The following CSNK1E variants were observed in gnomAD, a reference collection of about 807,000 sequenced individuals.
The protein encoded by CSNK1E is casein kinase 1 epsilon, also known as casein kinase I isoform epsilon.
In CSNK1E, 17 loss-of-function variants were observed where a neutral mutation model predicts 46.1. The ratio of observed to expected loss-of-function variants is 0.37; its 90% CI spans 0.25 to 0.55. The LOEUF is 0.55. CSNK1E is among the 20% of genes least tolerant of loss of function. CSNK1E has a pLI of 0.82. For synonymous variants in CSNK1E, 241 were observed against 242.6 expected (o/e 0.99, Z 0.06); for missense variants, 386 against 595.4 (o/e 0.65, Z 3.66).
chr22:38,295,962 C>A (rs1325706548), intron 7 of CSNK1E, among the ~76,000 whole-genome samples: 1 of 152,254 alleles, frequency 6.6e-6, no homozygotes, highest in Non-Finnish European at 1.5e-5. Context: ...CCGTGCCGAA[C>A]CTTCTGCGGG....
At chr22:38,308,418 G>A (rs997964365) in intron 2 of CSNK1E, among the ~76,000 whole-genome samples, 5 of 152,058 alleles carry the variant, frequency 3.3e-5, no homozygotes, top group African/African-American at 9.7e-5. Flanking sequence ...GAGCAGAGAG[G>A]CAGGAGAGTG....
chr22:38,307,554 CAAAAA>C (rs201638468), intron 2 of CSNK1E, among the ~76,000 whole-genome samples: 1 of 151,662 alleles, frequency 6.6e-6, no homozygotes. Flanking sequence ...CGTCTCAAAA[CAAAAA>C]AAAGTATACA....
chr22:38,311,509 G>C (rs542321360), intron 2 of CSNK1E, among the ~76,000 whole-genome samples: 1 of 152,054 alleles, frequency 6.6e-6, no homozygotes, highest in East Asian at 1.9e-4. Flanking sequence ...AAAGAGCGAC[G>C]GGACCTGGGA....
chr22:38,312,652 C>T (rs2092726184), intron 2 of CSNK1E, among the ~76,000 whole-genome samples: 1 of 152,198 alleles, frequency 6.6e-6, no homozygotes, highest in Non-Finnish European at 1.5e-5. Context: ...AAGCACTCAG[C>T]AATGAACTGC....
At chr22:38,297,118 G>C (rs117613622) in intron 7 of CSNK1E, 1 of 778,556 alleles carries the variant, frequency 1.3e-6, no homozygotes, top group East Asian at 2.4e-5. Flanking sequence ...AAAATGTGTC[G>C]CATGTGGCCA....
chr22:38,297,846 AGG>A (rs2145831894), intron 7 of CSNK1E: 1 of 1,008,536 alleles, frequency 9.9e-7, no homozygotes, highest in Non-Finnish European at 1.2e-6. Flanking sequence ...ACACTTCCTC[AGG>A]CCTGGCCCCG....
intron 2 of CSNK1E, among the ~76,000 whole-genome samples, chr22:38,313,070 C>T (rs1026084325): frequency 6.6e-6 from 1 of 152,182 alleles, no homozygotes; most frequent in Non-Finnish European, 1.5e-5. Flanking sequence ...TCCCAGTCTC[C>T]GTCCCCGTCT....
At position 38,303,349 on chromosome 22, in the gene CSNK1E, C is replaced by T. The variant is rs532788732; in HGVS notation, c.77-101G>A. 1.4e-4 allele frequency: 146 copies of T among 1,012,912 alleles called. No homozygotes were observed. Among genetic ancestry groups the T allele is most frequent in the Admixed American group, 9.6e-4 (39 of 40,658 alleles). The allele number at this position is 1,012,912 out of a possible 1,614,324, so 62.7% of individuals were successfully genotyped here. ...TCTGAGATCTGGCGTGTGCCGGGCC[C>T]GGGGCCATCTGCCCTTGAGGAGCTC... is the stretch of plus-strand genomic sequence containing the variant. On this transcript the variant is annotated intron_variant, in intron 2 of 10. Transcript: ENST00000396832. The surrounding 1 kb of genome is among the most constrained non-coding windows in gnomAD (Gnocchi z 4.7).
chr22:38,308,538 A>G (rs1321991899), intron 2 of CSNK1E, among the ~76,000 whole-genome samples: 2 of 152,086 alleles, frequency 1.3e-5, no homozygotes, highest in African/African-American at 4.8e-5. Context: ...TCTGAGCCCC[A>G]GGTACCTCAT....
chr22:38,298,940 G>C lies in CSNK1E; in HGVS notation c.737-6C>G. 3.7e-6 allele frequency: 6 copies of C among 1,614,116 alleles called. No individual in the cohort carries two copies. Among genetic ancestry groups the C allele is most frequent in the Non-Finnish European group, 5.1e-6 (6 of 1,179,988 alleles). On this transcript the variant is annotated splice_region_variant and splice_polypyrimidine_tract_variant and intron_variant, in intron 6 of 10. Transcript: ENST00000396832. This position sits in a 1 kb window ranked among gnomAD's most constrained non-coding sequence, Gnocchi z 4.2. ...GAGGTATGTTGAGAATTCGGCTGGA[G>C]GGTGTTGCAGAGGATAGAGAAGGCC...
intron 1 of CSNK1E, 52 bp downstream of exon 1, chr22:38,317,108 A>T: frequency 6.8e-6 from 1 of 147,728 alleles, no homozygotes. Flanking sequence ...AGGGAGCCCG[A>T]TTCCCCCCAG....
intron 7 of CSNK1E, among the ~76,000 whole-genome samples, chr22:38,295,854 G>A (rs1017231950): frequency 2.6e-5 from 4 of 152,176 alleles, no homozygotes; most frequent in Non-Finnish European, 5.9e-5. Flanking sequence ...CCTGACCTCC[G>A]GTCCTCACCC....
intron 2 of CSNK1E, among the ~76,000 whole-genome samples, chr22:38,306,940 TGAG>T (rs2092701216): frequency 2.0e-5 from 3 of 152,286 alleles, no homozygotes; most frequent in Admixed American, 6.5e-5. Flanking sequence ...TTTGGGAGGC[TGAG>T]GAGGATTACT....
intron 6 of CSNK1E, 143 bp from the exon 7 acceptor site, chr22:38,299,077 G>A: frequency 1.1e-6 from 1 of 891,454 alleles, no homozygotes. Context: ...ACAGAGCCAT[G>A]GCCTTCCCTA....
intron 7 of CSNK1E, among the ~76,000 whole-genome samples, chr22:38,295,035 A>C (rs1203065897): frequency 1.3e-5 from 2 of 152,200 alleles, no homozygotes; most frequent in African/African-American, 4.8e-5. Flanking sequence ...GCTAGGACTC[A>C]GACCAGCTCT....
rs373470476 is a variant in CSNK1E, at chr22:38,303,121, G to A, written c.187+17C>T. Reference sequence around the variant, plus strand: ...CGCCACCCACCCGGCGCCCGCCGCCGCCCACCCTGCGCTCACCGCCACCCT... The same window carrying A: ...CGCCACCCACCCGGCGCCCGCCGCCACCCACCCTGCGCTCACCGCCACCCT... On this transcript the variant is annotated intron_variant, in intron 3 of 10. Transcript: ENST00000396832. This position sits in a 1 kb window ranked among gnomAD's most constrained non-coding sequence, Gnocchi z 4.7. 21 of 1,117,376 alleles carry A rather than the reference G, an allele frequency of 1.9e-5. No individual in the cohort carries two copies. Among genetic ancestry groups the A allele is most frequent in the Admixed American group, 7.5e-5 (4 of 53,120 alleles). 69.2% of individuals were successfully genotyped at this position (1,117,376 alleles called of 1,614,324 possible).
At chr22:38,317,106 C>G (rs1008809359) in intron 1 of CSNK1E, 54 bp downstream of exon 1, 5 of 151,578 alleles carry the variant, frequency 3.3e-5, no homozygotes, top group African/African-American at 1.2e-4. Context: ...TGAGGGAGCC[C>G]GATTCCCCCC....
chr22:38,305,382 G>T (rs1251415512), intron 2 of CSNK1E, among the ~76,000 whole-genome samples: 1 of 149,624 alleles, frequency 6.7e-6, no homozygotes, highest in African/African-American at 2.5e-5. Flanking sequence ...TAGCCTTGGG[G>T]TTAGGCAAAG....
intron 4 of CSNK1E, among the ~76,000 whole-genome samples, chr22:38,301,315 G>A (rs773116496): frequency 1.3e-5 from 2 of 152,236 alleles, no homozygotes; most frequent in African/African-American, 2.4e-5. Flanking sequence ...AGATGTGGGC[G>A]AGGGGCAGGC....
Sources: allele counts gnomAD v4.1 joint callset (sites outside exome capture counted in the v4.1 genomes callset), GRCh38; gene constraint gnomAD v4.1.1; non-coding constraint Gnocchi (gnomAD v3.1); transcripts MANE v1.5; gene names NCBI Gene and HGNC (gene_info 2026-07-23, HGNC 2026-07-21).